Variants in TAB1 observed in about 807,000 individuals in gnomAD.
TAB1 encodes TGF-beta-activated kinase 1 and MAP3K7-binding protein 1.
TAB1 carries 30 observed loss-of-function variants against 54.5 expected under a neutral mutation model. That is an observed-to-expected ratio of 0.55 (90% CI 0.41 to 0.75). TAB1 has a LOEUF of 0.75. TAB1 is among the 30% of genes least tolerant of loss of function. TAB1 has a pLI of 0.00. For synonymous variants in TAB1, 289 were observed against 286.9 expected (o/e 1.01, Z -0.07); for missense variants, 609 against 683.2 (o/e 0.89, Z 1.21).
chr22:39,417,282 A>G (rs1310821926), intron 4 of TAB1, among the ~76,000 whole-genome samples: 1 of 152,134 alleles, frequency 6.6e-6, no homozygotes, highest in African/African-American at 2.4e-5. Context: ...TGTGCCATGG[A>G]CCATCTGTCT....
intron 1 of TAB1, among the ~76,000 whole-genome samples, chr22:39,410,255 GCAC>G (rs1569194793): frequency 1.3e-5 from 2 of 152,064 alleles, no homozygotes; most frequent in African/African-American, 4.8e-5. Flanking sequence ...TTACAGGTGC[GCAC>G]CACCACGCCT....
chr22:39,407,699 A>G (rs545567652), intron 1 of TAB1, among the ~76,000 whole-genome samples: 1 of 152,074 alleles, frequency 6.6e-6, no homozygotes, highest in Non-Finnish European at 1.5e-5. Context: ...GTTAGCCAGG[A>G]TGGTCTCGAT....
At chr22:39,402,784 T>C (rs1488445984) in intron 1 of TAB1, among the ~76,000 whole-genome samples, 3 of 152,142 alleles carry the variant, frequency 2.0e-5, no homozygotes, top group African/African-American at 7.2e-5. Context: ...ACTCCTGGCC[T>C]CAAGCAATCC....
downstream of TAB1, chr22:39,433,355 G>T: frequency 3.7e-6 from 3 of 804,158 alleles, no homozygotes; most frequent in Non-Finnish European, 4.5e-6. Flanking sequence ...GGAGGCTGAG[G>T]CAGGAGAATA....
At chr22:39,409,145 T>C (rs900523058) in intron 1 of TAB1, among the ~76,000 whole-genome samples, 1 of 152,214 alleles carries the variant, frequency 6.6e-6, no homozygotes, top group Non-Finnish European at 1.5e-5. Flanking sequence ...GGGTGCTAAA[T>C]ATTGACTTCT....
intron 1 of TAB1, among the ~76,000 whole-genome samples, chr22:39,409,471 A>G (rs1401760584): frequency 6.6e-6 from 1 of 152,234 alleles, no homozygotes; most frequent in African/African-American, 2.4e-5. Flanking sequence ...CCCCCCAGGC[A>G]CATACGTGCA....
chr22:39,434,095 CT>C (rs1927692626), downstream of TAB1, among the ~76,000 whole-genome samples: 1 of 152,234 alleles, frequency 6.6e-6, no homozygotes, highest in African/African-American at 2.4e-5. Flanking sequence ...TGGGCAGTAA[CT>C]TGGGCTGGTT....
intron 1 of TAB1, among the ~76,000 whole-genome samples, chr22:39,411,927 A>G (rs549393819): frequency 6.6e-6 from 1 of 152,248 alleles, no homozygotes; most frequent in Non-Finnish European, 1.5e-5. Context: ...CACACAGGCT[A>G]ACAACTTGGA....
At position 39,430,608 on chromosome 22, in the gene TAB1, C is replaced by T; in HGVS notation, c.*386C>T. 1 of 1,112,926 alleles carries T rather than the reference C, an allele frequency of 9.0e-7. No individual in the cohort carries two copies. The highest frequency in any genetic ancestry group is 1.1e-6 in the Non-Finnish European group (1 of 902,116). The allele number at this position is 1,112,926 out of a possible 1,614,324, so 68.9% of individuals were successfully genotyped here. A position where few individuals can be genotyped will look rare whatever the true frequency, so the allele number is the denominator to read the frequency against. Reference sequence around the variant, plus strand: ...TTGCAGGCCCAGCAGACCCTGCTGTCCCAAGCCCACCCCTCCTCCCACCAT... The same window carrying T: ...TTGCAGGCCCAGCAGACCCTGCTGTTCCAAGCCCACCCCTCCTCCCACCAT... On this transcript the variant is annotated 3_prime_UTR_variant, in exon 11 of 11. Coordinates refer to ENST00000216160, the MANE Select transcript of TAB1 (RefSeq NM_006116.3).
At chr22:39,413,535 G>C (rs1188909294) in intron 1 of TAB1, among the ~76,000 whole-genome samples, 1 of 151,984 alleles carries the variant, frequency 6.6e-6, no homozygotes, top group African/African-American at 2.4e-5. Flanking sequence ...TCCTGCCTCA[G>C]CCTCCCCAGT....
In TAB1 at chr22:39,415,142, G is replaced by T; in HGVS notation, c.170G>T (p.Arg57Met). 6.3e-7 allele frequency: 1 copy of T among 1,577,368 alleles called. No individual in the cohort carries two copies. The highest frequency in any genetic ancestry group is 8.6e-7 in the Non-Finnish European group (1 of 1,157,894). ...CCAGAGGACAGCTGGCTCAAGTTCAGGTGTGTGTGCCAGCATTTCTGTGTT... is the reference window on the plus strand; with the variant it reads ...CCAGAGGACAGCTGGCTCAAGTTCATGTGTGTGTGCCAGCATTTCTGTGTT... ...HPPEDSWLKF[R>M]SENNCFLYGV... is the part of the protein sequence containing the mutation. The change falls in exon 2 of 11, where the codon AGG becomes ATG. Residue 57 changes from arginine to methionine, a missense_variant and splice_region_variant. Physicochemically the swap from Arg to Met is moderately conservative, Grantham distance 91. Transcript: ENST00000216160. This position sits in a 1 kb window ranked among gnomAD's most constrained non-coding sequence, Gnocchi z 4.9.
intron 1 of TAB1, among the ~76,000 whole-genome samples, chr22:39,400,647 ACTC>A (rs1420641783): frequency 6.6e-6 from 1 of 152,122 alleles, no homozygotes; most frequent in Admixed American, 6.6e-5. Context: ...ACCATGGACT[ACTC>A]TGACCTACCA....
At chr22:39,434,935 T>TCCGG (rs1927728668), downstream of TAB1, among the ~76,000 whole-genome samples, 1 of 152,174 alleles carries the variant, frequency 6.6e-6, no homozygotes, top group South Asian at 2.1e-4. Flanking sequence ...GCCTCCTACC[T>TCCGG]CCGGGTACCT....
intron 6 of TAB1, 31 bp downstream of exon 6, chr22:39,418,876 T>TC (rs1409655490): frequency 6.5e-7 from 1 of 1,547,180 alleles, no homozygotes; most frequent in South Asian, 1.1e-5. Context: ...CGGAAGCTGA[T>TC]CCCCATGGGC....
intron 5 of TAB1, among the ~76,000 whole-genome samples, chr22:39,418,170 G>A (rs903778543): frequency 1.3e-5 from 2 of 152,208 alleles, no homozygotes; most frequent in African/African-American, 2.4e-5. Flanking sequence ...TAACCAACCA[G>A]TATCCCCATG....
Position 39,411,138 on chromosome 22 carries a change from A to G in TAB1, c.34-3868A>G, listed in dbSNP as rs73416326. Reference sequence around the variant, plus strand: ...AAAAATGGACCTAAACCTCCTTCCTACCTTACACAGAAATTAATTCAAAAT... The same window carrying G: ...AAAAATGGACCTAAACCTCCTTCCTGCCTTACACAGAAATTAATTCAAAAT... On this transcript the variant is annotated intron_variant, in intron 1 of 10. Transcript: ENST00000216160. 4.5e-3 allele frequency among the ~76,000 whole-genome samples: 687 copies of G among 152,308 alleles called. 10 individuals are homozygous for G. The highest frequency in any genetic ancestry group is 0.016 in the African/African-American group (648 of 41,568).
intron 1 of TAB1, among the ~76,000 whole-genome samples, chr22:39,411,280 A>G (rs1415761087): frequency 6.6e-6 from 1 of 152,244 alleles, no homozygotes; most frequent in Non-Finnish European, 1.5e-5. Context: ...AAAAGCATGA[A>G]CCATGAAAGA....
intron 9 of TAB1, 151 bp from the exon 10 acceptor site, chr22:39,427,870 G>C: frequency 1.5e-6 from 1 of 678,732 alleles, no homozygotes; most frequent in Non-Finnish European, 2.4e-6. Flanking sequence ...AAGGGGCAGG[G>C]GGCCCCACTG....
At chr22:39,426,434 C>G (rs1927339803) in intron 8 of TAB1, among the ~76,000 whole-genome samples, 1 of 151,064 alleles carries the variant, frequency 6.6e-6, no homozygotes, top group African/African-American at 2.5e-5. Context: ...TCGTATTCAC[C>G]CAGTCAAATG....
Sources: gnomAD v4.1 joint callset for allele counts (sites outside exome capture counted in the v4.1 genomes callset) on GRCh38, gnomAD v4.1.1 for gene constraint, Gnocchi (gnomAD v3.1) non-coding constraint, MANE v1.5 for transcripts, NCBI Gene and HGNC (gene_info 2026-07-23, HGNC 2026-07-21) for gene names.